Variants in TMTC2 observed in about 807,000 individuals in gnomAD.
The protein encoded by TMTC2 is transmembrane O-mannosyltransferase targeting cadherins 2.
TMTC2 carries 43 observed loss-of-function variants against 82.4 expected under a neutral mutation model. The ratio of observed to expected loss-of-function variants is 0.52; its 90% CI spans 0.41 to 0.67. The LOEUF is 0.67. Ranked by LOEUF, TMTC2 falls within the 30% of genes least tolerant of loss-of-function variation. TMTC2 has a pLI of 0.00. For missense variants in TMTC2, 919 were observed against 1,012.4 expected (o/e 0.91, Z 1.25); for synonymous variants, 408 against 381.9 (o/e 1.07, Z -0.80).
At chr12:83,017,167 G>T (rs1191316826) in intron 8 of TMTC2, among the ~76,000 whole-genome samples, 1 of 152,076 alleles carries the variant, frequency 6.6e-6, no homozygotes, top group East Asian at 1.9e-4. Flanking sequence ...GGACAGCTGA[G>T]GTCACAGTAA....
intron 3 of TMTC2, among the ~76,000 whole-genome samples, chr12:82,925,586 G>A (rs1394407236): frequency 2.0e-5 from 3 of 152,088 alleles, no homozygotes; most frequent in African/African-American, 7.2e-5. Context: ...CCAACAGCAA[G>A]TGCTGACTTC....
intron 8 of TMTC2, among the ~76,000 whole-genome samples, chr12:83,002,333 TTC>T (rs543358274): frequency 6.6e-6 from 1 of 152,288 alleles, no homozygotes; most frequent in Non-Finnish European, 1.5e-5. Flanking sequence ...TATTTGCATC[TTC>T]TCTGTCTTTT....
At chr12:82,800,124 C>T (rs549848846) in intron 1 of TMTC2, among the ~76,000 whole-genome samples, 4 of 152,228 alleles carry the variant, frequency 2.6e-5, no homozygotes, top group South Asian at 2.1e-4. Context: ...GGGCAAGGCA[C>T]GTACACTCTG....
chr12:82,845,306 A>G (rs1444787503), intron 1 of TMTC2, among the ~76,000 whole-genome samples: 1 of 147,658 alleles, frequency 6.8e-6, no homozygotes, highest in African/African-American at 2.5e-5. Context: ...CATACCACAA[A>G]TACCACAAAT....
At chr12:82,718,060 T>C (rs1305985246) in intron 1 of TMTC2, among the ~76,000 whole-genome samples, 1 of 152,200 alleles carries the variant, frequency 6.6e-6, no homozygotes, top group East Asian at 1.9e-4. Context: ...TGTTCCATTA[T>C]TGGAACACTA....
chr12:82,851,986 G>C (rs1233200147), intron 1 of TMTC2, among the ~76,000 whole-genome samples: 1 of 151,390 alleles, frequency 6.6e-6, no homozygotes, highest in East Asian at 1.9e-4. Flanking sequence ...TTACAATAGT[G>C]TTGGCCTTTG....
intron 11 of TMTC2, among the ~76,000 whole-genome samples, chr12:83,129,607 T>G (rs1167878137): frequency 6.6e-6 from 1 of 152,186 alleles, no homozygotes; most frequent in Non-Finnish European, 1.5e-5. Flanking sequence ...CACATCTACC[T>G]CTTACAGGTT....
intron 4 of TMTC2, among the ~76,000 whole-genome samples, chr12:82,941,380 A>T (rs899472188): frequency 6.6e-6 from 1 of 152,240 alleles, no homozygotes; most frequent in African/African-American, 2.4e-5. Flanking sequence ...AACTGTGTAT[A>T]TGTTAATAAA....
At chr12:82,798,495 CA>C (rs34277536) in intron 1 of TMTC2, among the ~76,000 whole-genome samples, 7 of 124,506 alleles carry the variant, frequency 5.6e-5, no homozygotes, top group Non-Finnish European at 6.6e-5. Flanking sequence ...AGACTCGTCT[CA>C]AAAAAAAAAA....
intron 8 of TMTC2, among the ~76,000 whole-genome samples, chr12:83,023,759 C>T (rs1365870662): frequency 6.6e-6 from 1 of 152,220 alleles, no homozygotes; most frequent in Non-Finnish European, 1.5e-5. Flanking sequence ...GTGTGAAGCA[C>T]TCACTTTGAC....
chr12:82,980,108 A>G (rs1878852625), intron 7 of TMTC2, among the ~76,000 whole-genome samples: 1 of 151,752 alleles, frequency 6.6e-6, no homozygotes, highest in Admixed American at 6.6e-5. Context: ...TTTGGTATGT[A>G]ATTCGTAACT....
intron 11 of TMTC2, among the ~76,000 whole-genome samples, chr12:83,106,430 C>T (rs1003567311): frequency 4.9e-5 from 7 of 143,354 alleles, no homozygotes; most frequent in African/African-American, 1.0e-4. Context: ...ACCCAGGAGG[C>T]GGAGGTTGCA....
chr12:82,749,292 CTT>C (rs1283563656), intron 1 of TMTC2, among the ~76,000 whole-genome samples: 2 of 150,368 alleles, frequency 1.3e-5, no homozygotes, highest in African/African-American at 2.5e-5. Context: ...ATGCTAAACT[CTT>C]TTAATTTAGA....
chr12:82,719,059 T>TTTTATATATATATATATATA (rs1874040088), intron 1 of TMTC2, among the ~76,000 whole-genome samples: 4 of 94,470 alleles, frequency 4.2e-5, no homozygotes, highest in African/African-American at 1.9e-4. Context: ...TTAGATGATT[T>TTTTATATATATATATATATA]TATATATATA....
At chr12:82,911,253 G>T (rs530869258) in intron 3 of TMTC2, among the ~76,000 whole-genome samples, 150 of 152,166 alleles carry the variant, frequency 9.9e-4, no homozygotes, top group African/African-American at 3.0e-3. Context: ...CAACATTTGG[G>T]CAGGAAGGCA....
chr12:83,027,050 G>A (rs1034538873), intron 8 of TMTC2, among the ~76,000 whole-genome samples: 1 of 151,904 alleles, frequency 6.6e-6, no homozygotes, highest in African/African-American at 2.4e-5. Flanking sequence ...TTGTTCATGA[G>A]TTTAATAAAT....
At chr12:82,859,674 T>C (rs1385898189) in intron 2 of TMTC2, among the ~76,000 whole-genome samples, 2 of 152,212 alleles carry the variant, frequency 1.3e-5, no homozygotes, top group Non-Finnish European at 2.9e-5. Context: ...AAATAAGAAA[T>C]GCCACTAGCA....
rs576432894 is a variant in TMTC2, at chr12:82,735,947, C to T, written c.83+48278C>T. On this transcript the variant is annotated intron_variant, in intron 1 of 11. Coordinates refer to ENST00000321196, the MANE Select transcript of TMTC2 (RefSeq NM_152588.3). ...AAGTTCATGCCATTGCACTGCAGCC[C>T]AGGTGACAGTGCGAGACTCCGTCAC... is the stretch of plus-strand genomic sequence containing the variant. Among the ~76,000 whole-genome samples the T allele has an allele frequency of 2.7e-5, 4 of 150,506 alleles. No homozygotes were observed. The East Asian group carries it at 8.0e-4, about 30-fold the overall frequency.
At chr12:83,002,842 T>G (rs960028964) in intron 8 of TMTC2, among the ~76,000 whole-genome samples, 16 of 151,944 alleles carry the variant, frequency 1.1e-4, no homozygotes, top group African/African-American at 3.6e-4. Context: ...GCTCTTAGAG[T>G]ATGTTCTATG....
Sources: gnomAD v4.1 joint callset for allele counts (sites outside exome capture counted in the v4.1 genomes callset) on GRCh38, gnomAD v4.1.1 for gene constraint, MANE v1.5 for transcripts, NCBI Gene and HGNC (gene_info 2026-07-23, HGNC 2026-07-21) for gene names.